The following LRP5 variants were observed in gnomAD, a reference collection of about 807,000 sequenced individuals.
LRP5 encodes low-density lipoprotein receptor-related protein 5.
In LRP5, 62 loss-of-function variants were observed where a neutral mutation model predicts 154.1. The observed-to-expected ratio is 0.40, with a 90% CI of 0.33 to 0.50. The LOEUF (loss-of-function observed/expected upper bound fraction) is 0.50, where lower values mean the gene tolerates loss of function less well. Among genes scored for constraint, LRP5 ranks in the 20% least tolerant of loss-of-function variants. The pLI, the probability that LRP5 is intolerant of heterozygous loss-of-function variation, is 0.55. For synonymous variants in LRP5, 966 were observed against 1,011.5 expected, an observed-to-expected ratio of 0.96 and a Z score of 0.85; for missense variants, 1,915 against 2,336.7, an observed-to-expected ratio of 0.82 and a Z score of 3.72.
At chr11:68,436,759 C>T (rs2098675208) in intron 18 of LRP5, 130 bp from the exon 19 acceptor site, 1 of 685,500 alleles carries the variant, frequency 1.5e-6, no homozygotes, top group South Asian at 1.7e-5. Context: ...CTAGACCACT[C>T]CCCGCTGGTC....
intron 5 of LRP5, among the ~76,000 whole-genome samples, chr11:68,374,093 C>CT (rs1250523195): frequency 6.6e-6 from 1 of 152,238 alleles, no homozygotes; most frequent in Non-Finnish European, 1.5e-5. Context: ...AGATGTTCGT[C>CT]TGTCAGGGAC....
At chr11:68,359,819 C>T (rs1313686255) in intron 3 of LRP5, among the ~76,000 whole-genome samples, 3 of 148,036 alleles carry the variant, frequency 2.0e-5, no homozygotes, top group Non-Finnish European at 4.5e-5. Context: ...TGGAGTCTTG[C>T]TCTGTCCCCC....
At position 68,438,519 on chromosome 11, in the gene LRP5, C is replaced by A; in HGVS notation, c.4185C>A (p.Leu1395=). ...SAIGPVIGII[L]SLFVMGGVYF... is the part of the protein sequence containing the mutation. ...TCGGGCCCGTCATTGGCATCATCCTCTCTCTCTTCGTCATGGGTGGTGTCT... is the reference window on the plus strand; with the variant it reads ...TCGGGCCCGTCATTGGCATCATCCTATCTCTCTTCGTCATGGGTGGTGTCT... The change falls in exon 20 of 23, where the codon CTC becomes CTA. Residue 1395 remains leucine (L), a synonymous_variant. Transcript: ENST00000294304. 1 of 1,614,238 alleles carries A rather than the reference C, an allele frequency of 6.2e-7. No individual in the cohort carries two copies. Among genetic ancestry groups the A allele is most frequent in the South Asian group, 1.1e-5 (1 of 91,090 alleles).
rs764663599 is a variant in LRP5, at chr11:68,426,102, C to T, written c.3552C>T (p.Thr1184=). 63 of 1,613,262 alleles carry T rather than the reference C, an allele frequency of 3.9e-5. No homozygotes were observed. Among genetic ancestry groups the T allele is most frequent in the Non-Finnish European group, 4.4e-5 (52 of 1,180,034 alleles). The change falls in exon 16 of 23, where the codon ACC becomes ACT. Residue 1184 remains threonine (T), a synonymous_variant. Transcript: ENST00000294304. ...QQMIERVEKT[T]GDKRTRIQGR... The stretch of plus-strand genomic sequence containing the variant: ...TGATCGAGCGTGTGGAGAAGACCAC[C>T]GGGGACAAGCGGACTCGCATCCAGG...
chr11:68,411,770 C>T, intron 11 of LRP5, 150 bp downstream of exon 11: 1 of 825,826 alleles, frequency 1.2e-6, no homozygotes, highest in Non-Finnish European at 1.9e-6. Context: ...AGCAGCCTCA[C>T]CCTCTGCTGT....
the LRP5 span, among the ~76,000 whole-genome samples, chr11:68,302,953 A>C: frequency 3.3e-5 from 5 of 152,172 alleles, no homozygotes; most frequent in Non-Finnish European, 7.4e-5. Context: ...AAGGCCCCAG[A>C]GCCAGGTCAT....
chr11:68,441,316 G>A (rs1045353104), intron 21 of LRP5, among the ~76,000 whole-genome samples: 1 of 151,924 alleles, frequency 6.6e-6, no homozygotes, highest in African/African-American at 2.4e-5. Flanking sequence ...GGACTCGAGC[G>A]ATCCTCCTGC....
At chr11:68,371,901 G>A (rs73513052) in intron 5 of LRP5, among the ~76,000 whole-genome samples, 24,074 of 152,262 alleles carry the variant, frequency 0.16, 6,111 homozygotes, top group African/African-American at 0.53. Flanking sequence ...ACGTTGGGCA[G>A]TGAAATTCAG....
chr11:68,386,399 C>T lies in LRP5; in HGVS notation c.1099C>T (p.Leu367=), dbSNP rs1285916552. ...LDTPDFTDIV[L]QVDDIRHAIA... is the part of the protein sequence containing the mutation. ...CACGCCGGACTTCACCGACATCGTG[C>T]TGCAGGTGGACGACATCCGGCACGC... Residue 367 remains leucine, a synonymous_variant, in exon 6 of 23, where the codon CTG becomes TTG. Coordinates refer to ENST00000294304, the MANE Select transcript of LRP5 (RefSeq NM_002335.4). This position sits in a 1 kb window ranked among gnomAD's most constrained non-coding sequence, Gnocchi z 7.9. The T allele has an allele frequency of 3.7e-6, 6 of 1,613,852 alleles. No homozygotes were observed. The highest frequency in any genetic ancestry group is 5.1e-6 in the Non-Finnish European group (6 of 1,180,046).
intron 2 of LRP5, among the ~76,000 whole-genome samples, chr11:68,357,303 TC>T (rs4988317): frequency 0.19 from 29,552 of 152,128 alleles, 3,647 homozygotes; most frequent in Non-Finnish European, 0.29. Flanking sequence ...TTTTAGAGGT[TC>T]ATTTACAGCA....
At position 68,312,625 on chromosome 11, in the gene LRP5, G is replaced by T; in HGVS notation, c.-90G>T. 4.0e-6 allele frequency: 2 copies of T among 498,152 alleles called. No individual in the cohort carries two copies. The highest frequency in any genetic ancestry group is 5.2e-6 in the Non-Finnish European group (2 of 384,908). 30.9% of individuals were successfully genotyped at this position (498,152 alleles called of 1,614,324 possible). A position where few individuals can be genotyped will look rare whatever the true frequency, so the allele number is the denominator to read the frequency against. On this transcript the variant is annotated 5_prime_UTR_variant, in exon 1 of 23. Coordinates refer to ENST00000294304, the MANE Select transcript of LRP5 (RefSeq NM_002335.4). ...GTCCGCGGCGCCCGAGGGGGGAGGC[G>T]GAGGCGCCGGGAGCCGCGCGAGGAG...
At position 68,389,920 on chromosome 11, in the gene LRP5, C is replaced by T. The variant is rs1200719368; in HGVS notation, c.1452C>T (p.Ile484=). ...YWTDWGENPK[I]ECANLDGQER... Reference sequence around the variant, plus strand: ...CAGACTGGGGAGAGAACCCTAAAATCGAGTGTGCCAACTTGGATGGGCAGG... The same window carrying T: ...CAGACTGGGGAGAGAACCCTAAAATTGAGTGTGCCAACTTGGATGGGCAGG... Residue 484 remains isoleucine (I), a synonymous_variant, in exon 7 of 23, where the codon ATC becomes ATT. Transcript: ENST00000294304. 13 of 1,614,260 alleles carry T rather than the reference C, an allele frequency of 8.1e-6. No homozygotes were observed. The highest frequency in any genetic ancestry group is 6.7e-5 in the East Asian group (3 of 44,894).
In LRP5 at chr11:68,449,018, G is replaced by A; in HGVS notation, c.4796G>A (p.Ser1599Asn). 1 of 1,596,234 alleles carries A rather than the reference G, an allele frequency of 6.3e-7. No homozygotes were observed. The highest frequency in any genetic ancestry group is 8.5e-7 in the Non-Finnish European group (1 of 1,174,920). Residue 1599 changes from serine to asparagine, a missense_variant, in exon 23 of 23, where the codon AGC (serine) becomes AAC (asparagine). Coordinates refer to ENST00000294304, the MANE Select transcript of LRP5 (RefSeq NM_002335.4). ...SCPPSPATER[S>N]YFHLFPPPPS... ...CCGCCCTCGCCCGCCACCGAGAGGA[G>A]CTACTTCCATCTCTTCCCGCCCCCT...
intron 7 of LRP5, among the ~76,000 whole-genome samples, chr11:68,390,808 C>T (rs1389031249): frequency 1.2e-3 from 89 of 75,334 alleles, no homozygotes; most frequent in African/African-American, 2.0e-3. Context: ...CTCGCCCTGC[C>T]GCTGTGGTCG....
At chr11:68,304,395 G>A in the LRP5 span, among the ~76,000 whole-genome samples, 2 of 152,282 alleles carry the variant, frequency 1.3e-5, no homozygotes, top group Non-Finnish European at 2.9e-5. Context: ...CTAGATGTCA[G>A]AGGATGTATG....
Position 68,413,904 on chromosome 11 carries a change from A to G in LRP5, c.2719A>G (p.Met907Val), listed in dbSNP as rs137861541. The G allele has an allele frequency of 2.5e-6, 4 of 1,612,704 alleles. No homozygotes were observed. The highest frequency in any genetic ancestry group is 2.7e-5 in the African/African-American group (2 of 74,942). ...SSRQDGLNDC[M>V]HNNGQCGQLC... ...CCGCCAGGATGGCCTCAATGACTGT[A>G]TGCACAACAACGGGCAGTGTGGGCA... is the stretch of plus-strand genomic sequence containing the variant. The change falls in exon 12 of 23, where the codon ATG (methionine) becomes GTG (valine). Residue 907 changes from methionine to valine, a missense_variant. Physicochemically the swap from Met to Val is conservative, Grantham distance 21. Around this residue, in one of 3 missense-constraint regions of LRP5, gnomAD observed 1,094 missense variants for 1,210.1 expected, o/e 0.90. Coordinates refer to ENST00000294304, the MANE Select transcript of LRP5 (RefSeq NM_002335.4). This position sits in a 1 kb window ranked among gnomAD's most constrained non-coding sequence, Gnocchi z 5.1.
intron 7 of LRP5, among the ~76,000 whole-genome samples, chr11:68,400,451 G>A (rs2098651997): frequency 6.6e-6 from 1 of 152,180 alleles, no homozygotes; most frequent in Non-Finnish European, 1.5e-5. Context: ...TGGGCGCGGT[G>A]GCTCACGCCT....
intron 5 of LRP5, among the ~76,000 whole-genome samples, chr11:68,384,900 C>T (rs951115245): frequency 2.0e-5 from 3 of 152,170 alleles, no homozygotes; most frequent in South Asian, 2.1e-4. Flanking sequence ...GCCTGAGCGG[C>T]GGGACCCCGT....
intron 5 of LRP5, among the ~76,000 whole-genome samples, chr11:68,380,139 CAA>C (rs1393600532): frequency 2.0e-5 from 3 of 152,176 alleles, no homozygotes. Context: ...GTCTCAAAAA[CAA>C]AGTCACACAC....
Sources: gnomAD v4.1 joint callset for allele counts (sites outside exome capture counted in the v4.1 genomes callset) on GRCh38, gnomAD v4.1.1 for gene constraint, gnomAD v4.1.1 regional missense constraint, Gnocchi (gnomAD v3.1) non-coding constraint, MANE v1.5 for transcripts, NCBI Gene and HGNC (gene_info 2026-07-23, HGNC 2026-07-21) for gene names.